The following SMARCA2 variants were observed in gnomAD, a reference collection of about 807,000 sequenced individuals.
SMARCA2 encodes the protein SWI/SNF-related matrix-associated actin-dependent regulator of chromatin subfamily A member 2.
A neutral mutation model predicts 199.8 loss-of-function variants in SMARCA2; 61 were observed. That is an observed-to-expected ratio of 0.31 (90% CI 0.25 to 0.38). The LOEUF (loss-of-function observed/expected upper bound fraction) is 0.38. Among genes scored for constraint, SMARCA2 ranks in the 10% least tolerant of loss-of-function variants. The pLI, the probability that SMARCA2 is intolerant of heterozygous loss-of-function variation, is 1.00. For synonymous variants in SMARCA2, 935 were observed against 732.0 expected (o/e 1.28, Z -4.48); for missense variants, 1,344 against 2,012.2 (o/e 0.67, Z 6.35).
chr9:2,177,870 T>C (rs567180472), intron 29 of SMARCA2, among the ~76,000 whole-genome samples: 39 of 152,336 alleles, frequency 2.6e-4, no homozygotes, highest in African/African-American at 8.9e-4. Flanking sequence ...ATTTCTTAAC[T>C]AGCATATCAG....
Position 2,104,621 on chromosome 9 carries a change from C to T in SMARCA2, c.3292+452C>T, listed in dbSNP as rs183773701. On this transcript the variant is annotated intron_variant, in intron 23 of 33. Transcript: ENST00000349721. The surrounding 1 kb of genome is among the most constrained non-coding windows in gnomAD (Gnocchi z 4.0). ...GATTATATTTATCATTAAAGCCCCTCTCTTCCTAAATAAGACGTATCCACA... is the reference window on the plus strand; with the variant it reads ...GATTATATTTATCATTAAAGCCCCTTTCTTCCTAAATAAGACGTATCCACA... Among the ~76,000 whole-genome samples the T allele has an allele frequency of 1.3e-5, 2 of 152,164 alleles. No homozygotes were observed. Among genetic ancestry groups the T allele is most frequent in the Non-Finnish European group, 2.9e-5 (2 of 68,026 alleles).
In SMARCA2 at chr9:2,056,945, T is replaced by C; in HGVS notation, c.1347+100T>C. 1 of 1,034,380 alleles carries C rather than the reference T, an allele frequency of 9.7e-7. No individual in the cohort carries two copies. Among genetic ancestry groups the C allele is most frequent in the African/African-American group, 1.6e-5 (1 of 62,464 alleles). The allele number at this position is 1,034,380 out of a possible 1,614,324, so 64.1% of individuals were successfully genotyped here. ...TGACTGAAAAATGGACCCTTGTGGG[T>C]GGTGGGGACATCACAGAACAGAACG... On this transcript the variant is annotated intron_variant, in intron 7 of 33. Transcript: ENST00000349721. This position sits in a 1 kb window ranked among gnomAD's most constrained non-coding sequence, Gnocchi z 4.0.
chr9:2,144,496 C>G lies in SMARCA2; in HGVS notation c.3982-17190C>G, dbSNP rs568719335. ...ATCACTTTCTGAGTCCCGACAAGGT[C>G]ATGTTTGAAGCCATAGAGGCAAGTA... On this transcript the variant is annotated intron_variant, in intron 27 of 33. Transcript: ENST00000349721. 2.6e-5 allele frequency among the ~76,000 whole-genome samples: 4 copies of G among 152,240 alleles called. No individual in the cohort carries two copies. In the East Asian group the frequency reaches 5.8e-4, roughly 22 times the overall value.
chr9:2,193,318 G>A lies in SMARCA2; in HGVS notation c.*579G>A, dbSNP rs369158564. On this transcript the variant is annotated 3_prime_UTR_variant, in exon 34 of 34. Coordinates refer to ENST00000349721, the MANE Select transcript of SMARCA2 (RefSeq NM_003070.5). ...GATCTGAACAAAAGCTTTTTGAATTGTATAAGATTTATGTCTACTGTAAAC... is the reference window on the plus strand; with the variant it reads ...GATCTGAACAAAAGCTTTTTGAATTATATAAGATTTATGTCTACTGTAAAC... 1 of 152,538 alleles carries A rather than the reference G, an allele frequency of 6.6e-6. No homozygotes were observed. Among genetic ancestry groups the A allele is most frequent in the East Asian group, 1.9e-4 (1 of 5,190 alleles). The allele number at this position is 152,538 out of a possible 1,614,324, so 9.4% of individuals were successfully genotyped here. A position where few individuals can be genotyped will look rare whatever the true frequency, so the allele number is the denominator to read the frequency against.
chr9:2,152,318 G>A (rs191418783), intron 27 of SMARCA2, among the ~76,000 whole-genome samples: 15 of 152,284 alleles, frequency 9.9e-5, no homozygotes, highest in African/African-American at 3.6e-4. Flanking sequence ...TTGGGTGGCC[G>A]GGGCAGGTGG....
chr9:2,186,838 C>G (rs1441713439), intron 32 of SMARCA2, among the ~76,000 whole-genome samples: 2 of 145,828 alleles, frequency 1.4e-5, no homozygotes, highest in Admixed American at 7.1e-5. Context: ...CAAACACTTT[C>G]TGAATGTTGC....
intron 9 of SMARCA2, among the ~76,000 whole-genome samples, chr9:2,062,352 G>A (rs114766110): frequency 0.011 from 1,731 of 152,296 alleles, 39 homozygotes; most frequent in African/African-American, 0.04. Flanking sequence ...GTTCTGCAGA[G>A]GTTGTCACTG....
chr9:2,049,643 G>T (rs1328961144), intron 5 of SMARCA2, among the ~76,000 whole-genome samples: 1 of 152,202 alleles, frequency 6.6e-6, no homozygotes, highest in Non-Finnish European at 1.5e-5. Flanking sequence ...AGCACAGTTT[G>T]GTGGTGACAG....
intron 13 of SMARCA2, 131 bp from the exon 14 acceptor site, chr9:2,077,498 G>A (rs968697002): frequency 1.2e-6 from 1 of 805,998 alleles, no homozygotes; most frequent in Non-Finnish European, 2.0e-6. Context: ...TAACTGCATG[G>A]CAAGTCGTGG....
rs777940835 is a variant in SMARCA2 at position 2,039,931 on chromosome 9, C to T, written c.790+31C>T. 7 of 1,608,368 alleles carry T rather than the reference C, an allele frequency of 4.4e-6. No individual in the cohort carries two copies. Among genetic ancestry groups the T allele is most frequent in the Non-Finnish European group, 5.1e-6 (6 of 1,177,490 alleles). ...TTAATACGCAACCAAATGAATAATG[C>T]CATGGTCCAACTCGGATAACAAAGA... On this transcript the variant is annotated intron_variant, in intron 4 of 33. Transcript: ENST00000349721. This position sits in a 1 kb window ranked among gnomAD's most constrained non-coding sequence, Gnocchi z 4.8.
intron 27 of SMARCA2, among the ~76,000 whole-genome samples, chr9:2,127,537 G>T (rs559363682): frequency 1.3e-5 from 2 of 152,178 alleles, no homozygotes; most frequent in East Asian, 1.9e-4. Flanking sequence ...AGCCTCTGCC[G>T]GCTTGGTCAT....
chr9:2,025,012 G>A (rs1420402581), intron 1 of SMARCA2, among the ~76,000 whole-genome samples: 2 of 152,270 alleles, frequency 1.3e-5, no homozygotes, highest in East Asian at 1.9e-4. Context: ...TTGGAGTGGT[G>A]ACCCTTAAAA....
chr9:2,073,020 G>T (rs1162182745), intron 10 of SMARCA2, 192 bp from the exon 11 acceptor site: 1 of 587,848 alleles, frequency 1.7e-6, no homozygotes, highest in East Asian at 3.0e-5. Context: ...AGCTACCAGG[G>T]AGGCAGCATT....
At chr9:2,084,435 G>A (rs981721332) in intron 17 of SMARCA2, among the ~76,000 whole-genome samples, 7 of 149,728 alleles carry the variant, frequency 4.7e-5, no homozygotes, top group African/African-American at 1.7e-4. Context: ...TGATCCTGGG[G>A]CGGCTCTTGT....
intron 9 of SMARCA2, among the ~76,000 whole-genome samples, chr9:2,069,976 A>G (rs888301852): frequency 2.1e-4 from 32 of 152,118 alleles, no homozygotes; most frequent in Non-Finnish European, 4.1e-4. Context: ...TATTGTTGCC[A>G]TCAGAGCTTA....
intron 27 of SMARCA2, among the ~76,000 whole-genome samples, chr9:2,142,300 G>A (rs1824501150): frequency 6.6e-6 from 1 of 152,218 alleles, no homozygotes; most frequent in Admixed American, 6.5e-5. Flanking sequence ...TCAAGCAAAG[G>A]AAGTTGGCTT....
At chr9:2,050,844 A>T (rs4741638) in intron 5 of SMARCA2, among the ~76,000 whole-genome samples, 42,913 of 152,084 alleles carry the variant, frequency 0.28, 6,973 homozygotes, top group African/African-American at 0.46. Flanking sequence ...CTGGACCTGA[A>T]CAAGTATCTG....
intron 27 of SMARCA2, among the ~76,000 whole-genome samples, chr9:2,152,287 C>CAT (rs538483873): frequency 7.2e-4 from 109 of 152,364 alleles, no homozygotes; most frequent in African/African-American, 2.4e-3. Flanking sequence ...TGCCATGGCT[C>CAT]ATGCCTGTAA....
At chr9:2,175,742 G>T (rs1027463360) in intron 29 of SMARCA2, among the ~76,000 whole-genome samples, 1 of 152,162 alleles carries the variant, frequency 6.6e-6, no homozygotes, top group African/African-American at 2.4e-5. Context: ...TGGTGAATAA[G>T]AGTAAATTAT....
Sources: allele counts gnomAD v4.1 joint callset (sites outside exome capture counted in the v4.1 genomes callset), GRCh38; gene constraint gnomAD v4.1.1; non-coding constraint Gnocchi (gnomAD v3.1); transcripts MANE v1.5; gene names NCBI Gene and HGNC (gene_info 2026-07-23, HGNC 2026-07-21).